Variants in SLC10A7 observed in about 807,000 individuals in gnomAD.
SLC10A7 encodes sodium/bile acid cotransporter 7.
Under a neutral mutation model 43.2 loss-of-function variants are expected in SLC10A7, and 29 were observed. That is an observed-to-expected ratio of 0.67 (90% CI 0.50 to 0.92). SLC10A7 has a LOEUF of 0.92. Among genes scored for constraint, SLC10A7 ranks in the 40% least tolerant of loss-of-function variants. SLC10A7 has a pLI of 0.00. For synonymous variants in SLC10A7, 152 were observed against 144.8 expected (o/e 1.05, Z -0.35); for missense variants, 295 against 403.2 (o/e 0.73, Z 2.30).
chr4:146,328,654 C>T (rs192323632), intron 5 of SLC10A7, among the ~76,000 whole-genome samples: 10 of 152,236 alleles, frequency 6.6e-5, no homozygotes, highest in African/African-American at 2.2e-4. Context: ...TGTCTGGAGT[C>T]CCTATCCCCC....
chr4:146,343,266 TA>T (rs1734393112), intron 5 of SLC10A7, among the ~76,000 whole-genome samples: 1 of 152,010 alleles, frequency 6.6e-6, no homozygotes, highest in Non-Finnish European at 1.5e-5. Context: ...CTAATTCAAA[TA>T]CTGACAGCCA....
chr4:146,517,251 C>A (rs1315135994), intron 1 of SLC10A7, 131 bp from the exon 2 acceptor site: 3 of 573,708 alleles, frequency 5.2e-6, no homozygotes, highest in Non-Finnish European at 8.9e-6. Context: ...GCACTTGAGG[C>A]CAGGAGTTCA....
intron 5 of SLC10A7, among the ~76,000 whole-genome samples, chr4:146,435,467 T>A (rs957145681): frequency 6.6e-6 from 1 of 152,166 alleles, no homozygotes; most frequent in African/African-American, 2.4e-5. Context: ...TTTAACATTA[T>A]TTACTCCAAC....
chr4:146,464,481 C>A (rs905455686), intron 4 of SLC10A7, among the ~76,000 whole-genome samples: 1 of 151,794 alleles, frequency 6.6e-6, no homozygotes, highest in Non-Finnish European at 1.5e-5. Flanking sequence ...ATATACCATA[C>A]AAGAACATAA....
Position 146,256,442 on chromosome 4 carries a change from G to C in SLC10A7, c.*49C>G. The C allele has an allele frequency of 6.3e-7, 1 of 1,590,614 alleles. No homozygotes were observed. Among genetic ancestry groups the C allele is most frequent in the East Asian group, 2.2e-5 (1 of 44,756 alleles). On this transcript the variant is annotated 3_prime_UTR_variant, in exon 12 of 12. Coordinates refer to ENST00000335472, the MANE Select transcript of SLC10A7 (RefSeq NM_001029998.6). ...TACAAGTCTTCAGAATTGCTAGTAT[G>C]TACAATCCTGTACATATATACATTG...
chr4:146,409,867 C>T (rs545500938), intron 5 of SLC10A7, among the ~76,000 whole-genome samples: 1 of 152,170 alleles, frequency 6.6e-6, no homozygotes, highest in African/African-American at 2.4e-5. Context: ...AATTATTTGG[C>T]TTAATTTACT....
At chr4:146,498,493 C>T (rs1259701936) in intron 4 of SLC10A7, among the ~76,000 whole-genome samples, 1 of 152,170 alleles carries the variant, frequency 6.6e-6, no homozygotes, top group Non-Finnish European at 1.5e-5. Flanking sequence ...CAATCACCAC[C>T]AGCTGGACCA....
chr4:146,514,905 G>A (rs968406925), intron 2 of SLC10A7: 17 of 539,672 alleles, frequency 3.2e-5, no homozygotes, highest in East Asian at 3.0e-4. Context: ...ATGACTTAAT[G>A]TTGTATTCTT....
chr4:146,374,661 C>CACACACACAT lies in SLC10A7; in HGVS notation c.436-48666_436-48665insATGTGTGTGT, dbSNP rs1553963528. ...ACACACACACACACACACACACACA[C>CACACACACAT]ATATATATATATTTTCTGGATGTGA... is the stretch of plus-strand genomic sequence containing the variant. On this transcript the variant is annotated intron_variant, in intron 5 of 11. Coordinates refer to ENST00000335472, the MANE Select transcript of SLC10A7 (RefSeq NM_001029998.6). Among the ~76,000 whole-genome samples the CACACACACAT allele has an allele frequency of 2.3e-4, 23 of 100,702 alleles. No homozygotes were observed. In the East Asian group the frequency reaches 2.6e-3, roughly 11 times the overall value. 66.1% of individuals were successfully genotyped at this position (100,702 alleles called of 152,430 possible).
intron 10 of SLC10A7, among the ~76,000 whole-genome samples, chr4:146,282,412 T>G (rs543877901): frequency 1.4e-4 from 21 of 152,334 alleles, no homozygotes; most frequent in Admixed American, 2.0e-4. Flanking sequence ...TTCATTCTCT[T>G]AAGTGACTCA....
chr4:146,332,386 A>G (rs1374535085), intron 5 of SLC10A7, among the ~76,000 whole-genome samples: 2 of 152,140 alleles, frequency 1.3e-5, no homozygotes, highest in Non-Finnish European at 2.9e-5. Flanking sequence ...GTAATCTCCA[A>G]TGTTGGTGGT....
intron 7 of SLC10A7, among the ~76,000 whole-genome samples, chr4:146,305,268 C>T (rs1731474904): frequency 6.6e-6 from 1 of 151,362 alleles, no homozygotes; most frequent in Non-Finnish European, 1.5e-5. Flanking sequence ...AGTTCATGTC[C>T]TTTGTAGGGA....
At chr4:146,458,768 G>T (rs1022366112) in intron 4 of SLC10A7, among the ~76,000 whole-genome samples, 4 of 151,740 alleles carry the variant, frequency 2.6e-5, no homozygotes, top group East Asian at 1.9e-4. Flanking sequence ...TTGATTTTGA[G>T]GGCTTGTGTG....
At chr4:146,459,336 T>A (rs1442816923) in intron 4 of SLC10A7, among the ~76,000 whole-genome samples, 2 of 151,732 alleles carry the variant, frequency 1.3e-5, no homozygotes, top group Non-Finnish European at 3.0e-5. Flanking sequence ...GACAAATGAC[T>A]ACAATTTATT....
At chr4:146,274,400 C>T (rs1002752434) in intron 10 of SLC10A7, among the ~76,000 whole-genome samples, 1 of 151,916 alleles carries the variant, frequency 6.6e-6, no homozygotes, top group Non-Finnish European at 1.5e-5. Context: ...GACAGGGTTT[C>T]ACCATGTTGG....
chr4:146,357,369 C>T (rs962722847), intron 5 of SLC10A7, among the ~76,000 whole-genome samples: 3 of 152,148 alleles, frequency 2.0e-5, no homozygotes, highest in Middle Eastern at 3.2e-3. Flanking sequence ...ATTTCCCAAT[C>T]TTCATTTTCC....
At chr4:146,420,492 A>G (rs1265325673) in intron 5 of SLC10A7, among the ~76,000 whole-genome samples, 1 of 152,202 alleles carries the variant, frequency 6.6e-6, no homozygotes, top group African/African-American at 2.4e-5. Flanking sequence ...TTGAAATTAT[A>G]TGATCACCAG....
chr4:146,511,927 T>C, intron 2 of SLC10A7, among the ~76,000 whole-genome samples: 1 of 151,296 alleles, frequency 6.6e-6, no homozygotes. Flanking sequence ...AATACTGTAA[T>C]GAAATGATTA....
chr4:146,444,585 C>T (rs994378937), intron 4 of SLC10A7, among the ~76,000 whole-genome samples: 2 of 152,176 alleles, frequency 1.3e-5, no homozygotes, highest in Non-Finnish European at 2.9e-5. Flanking sequence ...CCCTCTTGTT[C>T]TCTTCTTTAA....
Sources: gnomAD v4.1 joint callset for allele counts (sites outside exome capture counted in the v4.1 genomes callset) on GRCh38, gnomAD v4.1.1 for gene constraint, MANE v1.5 for transcripts, NCBI Gene and HGNC (gene_info 2026-07-23, HGNC 2026-07-21) for gene names.